The following PARD3B variants were observed in gnomAD, a reference collection of about 807,000 sequenced individuals.
PARD3B encodes partitioning defective 3 homolog B.
A neutral mutation model predicts 130.2 loss-of-function variants in PARD3B; 103 were observed. The observed-to-expected ratio is 0.79, with a 90% CI of 0.67 to 0.93. The LOEUF is 0.93. Among genes scored for constraint, PARD3B ranks in the 40% least tolerant of loss-of-function variants. The pLI is 0.00. For missense variants in PARD3B, 1,609 were observed against 1,499.2 expected (o/e 1.07, Z -1.21); for synonymous variants, 583 against 553.2 (o/e 1.05, Z -0.76).
chr2:205,366,645 CT>C lies in PARD3B; in HGVS notation c.2631-34367del. On this transcript the variant is annotated intron_variant, in intron 18 of 22. Coordinates refer to ENST00000406610, the MANE Select transcript of PARD3B (RefSeq NM_001302769.2). The surrounding 1 kb of genome is among the most constrained non-coding windows in gnomAD (Gnocchi z 5.0). ...GCATACAGATGACACTCAAATCTGTCTCCTCTCAAGCCTAAATTCACACTTT... is the reference window on the plus strand; with the variant it reads ...GCATACAGATGACACTCAAATCTGTCCCTCTCAAGCCTAAATTCACACTTT... Among the ~76,000 whole-genome samples, 1 of 152,242 alleles carries C rather than the reference CT, an allele frequency of 6.6e-6. No individual in the cohort carries two copies. Among genetic ancestry groups the C allele is most frequent in the East Asian group, 1.9e-4 (1 of 5,188 alleles).
chr2:205,412,823 C>G (rs1224186753), intron 19 of PARD3B, among the ~76,000 whole-genome samples: 1 of 152,140 alleles, frequency 6.6e-6, no homozygotes, highest in Non-Finnish European at 1.5e-5. Context: ...TCCATTATAC[C>G]TTCTCAAACT....
At chr2:205,483,867 T>A (rs1177553098) in intron 20 of PARD3B, among the ~76,000 whole-genome samples, 1 of 152,192 alleles carries the variant, frequency 6.6e-6, no homozygotes, top group African/African-American at 2.4e-5. Flanking sequence ...TTGTTTACAC[T>A]TGGAAAAGAG....
chr2:205,436,018 G>T (rs1316614941), intron 19 of PARD3B, among the ~76,000 whole-genome samples: 1 of 152,132 alleles, frequency 6.6e-6, no homozygotes, highest in African/African-American at 2.4e-5. Flanking sequence ...AGATCAAGGT[G>T]CCATCAGGTT....
At chr2:205,206,160 T>G (rs73059276) in intron 15 of PARD3B, among the ~76,000 whole-genome samples, 578 of 151,968 alleles carry the variant, frequency 3.8e-3, no homozygotes, top group African/African-American at 0.013. Context: ...CACTTGCTTT[T>G]GTTTCCTAAA....
At position 205,407,255 on chromosome 2, in the gene PARD3B, TCAAA is replaced by T. The variant is rs775247996; in HGVS notation, c.2741+6135_2741+6138del. On this transcript the variant is annotated intron_variant, in intron 19 of 22. Coordinates refer to ENST00000406610, the MANE Select transcript of PARD3B (RefSeq NM_001302769.2). The surrounding 1 kb of genome is among the most constrained non-coding windows in gnomAD (Gnocchi z 4.1). ...ATGATGTGTCACCTCCTGTTACAAG[TCAAA>T]CAGTCTATTGCAATGAAGCCCTGCA... 1.2e-4 allele frequency among the ~76,000 whole-genome samples: 19 copies of T among 152,108 alleles called. No individual in the cohort carries two copies. The highest frequency in any genetic ancestry group is 1.7e-4 in the African/African-American group (7 of 41,416).
At chr2:205,459,870 G>T (rs2048392240) in intron 20 of PARD3B, among the ~76,000 whole-genome samples, 3 of 152,188 alleles carry the variant, frequency 2.0e-5, no homozygotes, top group Admixed American at 2.0e-4. Context: ...TGTCTCGTTT[G>T]TTTTCCTGAA....
intron 19 of PARD3B, among the ~76,000 whole-genome samples, chr2:205,408,631 A>G (rs2046491241): frequency 1.3e-5 from 2 of 152,172 alleles, no homozygotes; most frequent in South Asian, 2.1e-4. Flanking sequence ...TCAAAAAAGG[A>G]TGTATTAAAG....
At position 205,093,434 on chromosome 2, in the gene PARD3B, C is replaced by T. The variant is rs570560939; in HGVS notation, c.505-10992C>T. Among the ~76,000 whole-genome samples the T allele has an allele frequency of 5.3e-5, 8 of 152,152 alleles. No individual in the cohort carries two copies. In the East Asian group the frequency reaches 1.6e-3, roughly 29 times the overall value. On this transcript the variant is annotated intron_variant, in intron 4 of 22. Transcript: ENST00000406610. ...GAGATCAATGAATGCCATGACAGAG[C>T]TTGCACATGGCATGAAAGTGGCACT...
At chr2:205,081,363 AT>A (rs1005657633) in intron 4 of PARD3B, among the ~76,000 whole-genome samples, 3 of 151,940 alleles carry the variant, frequency 2.0e-5, no homozygotes, top group African/African-American at 7.2e-5. Context: ...AGCACCATTT[AT>A]TTTTTATGGA....
chr2:205,027,802 A>T (rs940255008), intron 3 of PARD3B, among the ~76,000 whole-genome samples: 1 of 152,160 alleles, frequency 6.6e-6, no homozygotes, highest in Non-Finnish European at 1.5e-5. Flanking sequence ...TTCACACAGC[A>T]TCATTTATTG....
Position 205,284,382 on chromosome 2 carries a change from A to G in PARD3B, c.2186-16148A>G, listed in dbSNP as rs1482013261. ...CTTTTCTCTTACTGGAATATTTGTT[A>G]GAATAGAATATAGAAAATAGAAATG... On this transcript the variant is annotated intron_variant, in intron 16 of 22. Transcript: ENST00000406610. 4.6e-5 allele frequency among the ~76,000 whole-genome samples: 7 copies of G among 152,238 alleles called. No individual in the cohort carries two copies. In the East Asian group the frequency reaches 1.3e-3, roughly 29 times the overall value.
rs948730937 is a variant in PARD3B at position 205,176,938 on chromosome 2, A to T, written c.1924+361A>T. Among the ~76,000 whole-genome samples the T allele has an allele frequency of 6.6e-6, 1 of 152,262 alleles. No individual in the cohort carries two copies. Among genetic ancestry groups the T allele is most frequent in the Non-Finnish European group, 1.5e-5 (1 of 68,044 alleles). ...AATAACTACCAAAATTTAAAAATGT[A>T]TGGATTTATAATCCATAAAATGGTC... On this transcript the variant is annotated intron_variant, in intron 13 of 22. Coordinates refer to ENST00000406610, the MANE Select transcript of PARD3B (RefSeq NM_001302769.2). The surrounding 1 kb of genome is among the most constrained non-coding windows in gnomAD (Gnocchi z 5.3).
chr2:205,022,414 C>T (rs551256328), intron 3 of PARD3B, among the ~76,000 whole-genome samples: 70 of 152,264 alleles, frequency 4.6e-4, no homozygotes, highest in African/African-American at 1.3e-3. Flanking sequence ...TAGAGTGAAT[C>T]TTAATGGGCT....
chr2:205,601,722 G>A (rs1575460321), intron 22 of PARD3B, among the ~76,000 whole-genome samples: 1 of 151,958 alleles, frequency 6.6e-6, no homozygotes, highest in African/African-American at 2.4e-5. Flanking sequence ...CATATGGCTA[G>A]CCAGTTTTCC....
chr2:204,654,791 CT>C (rs1185620363), intron 1 of PARD3B, among the ~76,000 whole-genome samples: 1 of 151,986 alleles, frequency 6.6e-6, no homozygotes, highest in African/African-American at 2.4e-5. Context: ...GGAATAAATT[CT>C]TTATTTTTTG....
intron 22 of PARD3B, among the ~76,000 whole-genome samples, chr2:205,594,737 G>A (rs1401267891): frequency 6.6e-6 from 1 of 152,182 alleles, no homozygotes. Flanking sequence ...GTGTGTTGGG[G>A]ATGGGAGTGT....
chr2:204,847,716 C>T lies in PARD3B; in HGVS notation c.223-117436C>T, dbSNP rs1181670086. 3.9e-5 allele frequency among the ~76,000 whole-genome samples: 6 copies of T among 152,184 alleles called. No homozygotes were observed. In the East Asian group the frequency reaches 1.2e-3, roughly 29 times the overall value. ...ACTTCAGTGCTTGTGTTCAAGTAAC[C>T]CTCATTTTACTTAATAACGTCCCTG... On this transcript the variant is annotated intron_variant, in intron 2 of 22. Coordinates refer to ENST00000406610, the MANE Select transcript of PARD3B (RefSeq NM_001302769.2).
chr2:205,476,613 GTTTT>G (rs755293799), intron 20 of PARD3B, among the ~76,000 whole-genome samples: 2 of 151,752 alleles, frequency 1.3e-5, no homozygotes, highest in Admixed American at 6.6e-5. Context: ...TGTTTTCTGG[GTTTT>G]TTGTTTGTTT....
At chr2:205,453,305 T>C (rs2048166033) in intron 20 of PARD3B, among the ~76,000 whole-genome samples, 1 of 152,122 alleles carries the variant, frequency 6.6e-6, no homozygotes, top group South Asian at 2.1e-4. Flanking sequence ...ATGGTACGTT[T>C]AGGAAACCAC....
Sources: allele counts gnomAD v4.1 joint callset (sites outside exome capture counted in the v4.1 genomes callset), GRCh38; gene constraint gnomAD v4.1.1; non-coding constraint Gnocchi (gnomAD v3.1); transcripts MANE v1.5; gene names NCBI Gene and HGNC (gene_info 2026-07-23, HGNC 2026-07-21).